HS3ST3A1: variants seen among roughly 807,000 people sequenced by gnomAD.
HS3ST3A1 encodes the protein heparan sulfate glucosamine 3-O-sulfotransferase 3A1.
In HS3ST3A1, 19 loss-of-function variants were observed where a neutral mutation model predicts 25.7. That is an observed-to-expected ratio of 0.74 (90% confidence interval 0.52 to 1.08). The LOEUF (loss-of-function observed/expected upper bound fraction) is 1.08. Ranked by LOEUF, HS3ST3A1 falls within the 50% of genes least tolerant of loss-of-function variation. The probability of loss-of-function intolerance (pLI) is 0.00; values close to 1 mark genes in which losing one functional copy is unlikely to be tolerated. For missense variants in HS3ST3A1, 459 were observed against 594.3 expected (o/e 0.77, Z 2.37); for synonymous variants, 226 against 278.6 (o/e 0.81, Z 1.88).
intron 1 of HS3ST3A1, among the ~76,000 whole-genome samples, chr17:13,512,644 G>C (rs912789518): frequency 6.6e-6 from 1 of 152,130 alleles, no homozygotes; most frequent in African/African-American, 2.4e-5. Flanking sequence ...TCATTATCTG[G>C]ACCTTTTCAT....
At chr17:13,592,977 T>C (rs774492803) in intron 1 of HS3ST3A1, among the ~76,000 whole-genome samples, 2 of 152,204 alleles carry the variant, frequency 1.3e-5, no homozygotes, top group African/African-American at 4.8e-5. Context: ...GGTTGCACTT[T>C]CTCTCTTCCT....
chr17:13,494,327 T>C lies in HS3ST3A1; in HGVS notation c.*1870A>G, dbSNP rs1770567192. On this transcript the variant is annotated 3_prime_UTR_variant, in exon 2 of 2. Transcript: ENST00000284110. ...AGGTGACCTGGATTTGGGGTTTACT[T>C]AACTTCTATAAATGGGATATTAACA... 2.6e-5 allele frequency among the ~76,000 whole-genome samples: 4 copies of C among 152,210 alleles called. No homozygotes were observed. The highest frequency in any genetic ancestry group is 2.6e-4 in the Admixed American group (4 of 15,282).
chr17:13,564,834 A>T (rs1050848767), intron 1 of HS3ST3A1, among the ~76,000 whole-genome samples: 2 of 146,764 alleles, frequency 1.4e-5, no homozygotes, highest in African/African-American at 5.1e-5. Context: ...AATGATTCTT[A>T]TGCCTCAATC....
At chr17:13,557,664 T>C (rs1289303955) in intron 1 of HS3ST3A1, among the ~76,000 whole-genome samples, 5 of 152,004 alleles carry the variant, frequency 3.3e-5, no homozygotes, top group African/African-American at 9.7e-5. Flanking sequence ...AAACTGAAAA[T>C]ACAAAAGTAG....
chr17:13,506,373 T>G (rs1011304525), intron 1 of HS3ST3A1, among the ~76,000 whole-genome samples: 1 of 152,192 alleles, frequency 6.6e-6, no homozygotes. Flanking sequence ...ACCTCTAAGA[T>G]TCCATGTAGG....
intron 1 of HS3ST3A1, among the ~76,000 whole-genome samples, chr17:13,582,224 G>C (rs550460377): frequency 1.3e-5 from 2 of 152,138 alleles, no homozygotes; most frequent in South Asian, 4.2e-4. Context: ...GCCTTGGGGA[G>C]GAAGAAAAAG....
intron 1 of HS3ST3A1, among the ~76,000 whole-genome samples, chr17:13,568,790 A>G (rs1417884448): frequency 6.6e-6 from 1 of 152,142 alleles, no homozygotes; most frequent in Admixed American, 6.5e-5. Context: ...ATCACTCGGA[A>G]CAGCTTCAGT....
rs535853576 is a variant in HS3ST3A1, at chr17:13,500,886, C to G, written c.600-4068G>C. Among the ~76,000 whole-genome samples the G allele has an allele frequency of 2.6e-5, 4 of 152,250 alleles. No homozygotes were observed. In the South Asian group the frequency reaches 8.3e-4, roughly 32 times the overall value. On this transcript the variant is annotated intron_variant, in intron 1 of 1. Transcript: ENST00000284110. ...TGGAAGCAACACAAGTGTGTATTGA[C>G]AGATGAACGGATAAACAAAATGTGG...
chr17:13,565,414 CCCAGCTACT>C (rs1181877708), intron 1 of HS3ST3A1, among the ~76,000 whole-genome samples: 2 of 152,096 alleles, frequency 1.3e-5, no homozygotes, highest in African/African-American at 4.8e-5. Context: ...CACCTGTAGT[CCCAGCTACT>C]CCAGAGGCTG....
chr17:13,579,701 CAAAAAAAAAAAAAAA>C (rs543748713), intron 1 of HS3ST3A1, among the ~76,000 whole-genome samples: 2,326 of 23,696 alleles, frequency 0.098, 120 homozygotes, highest in East Asian at 0.41. Context: ...ACTCCATCTC[CAAAAAAAAAAAAAAA>C]AAAAAAAAAA....
intron 1 of HS3ST3A1, among the ~76,000 whole-genome samples, chr17:13,505,995 CCAGCCTGGGCAA>C (rs1308343330): frequency 1.4e-5 from 2 of 146,860 alleles, no homozygotes; most frequent in Non-Finnish European, 3.0e-5. Flanking sequence ...CCACTGCACT[CCAGCCTGGGCAA>C]CAGAGCAAGA....
At chr17:13,558,350 T>C (rs1327376119) in intron 1 of HS3ST3A1, among the ~76,000 whole-genome samples, 2 of 152,150 alleles carry the variant, frequency 1.3e-5, no homozygotes, top group Admixed American at 6.6e-5. Context: ...CATTACTTTC[T>C]ACTATATACA....
chr17:13,588,365 A>G (rs1365425071), intron 1 of HS3ST3A1, among the ~76,000 whole-genome samples: 1 of 152,178 alleles, frequency 6.6e-6, no homozygotes, highest in Non-Finnish European at 1.5e-5. Flanking sequence ...TACAGTTCCA[A>G]GCCATGGGCA....
At chr17:13,588,758 A>G (rs1158737458) in intron 1 of HS3ST3A1, among the ~76,000 whole-genome samples, 1 of 151,106 alleles carries the variant, frequency 6.6e-6, no homozygotes, top group Non-Finnish European at 1.5e-5. Flanking sequence ...ATCTCAGCTC[A>G]CTACAAGCTC....
chr17:13,521,633 T>C (rs1256654769), intron 1 of HS3ST3A1, among the ~76,000 whole-genome samples: 1 of 152,178 alleles, frequency 6.6e-6, no homozygotes, highest in African/African-American at 2.4e-5. Flanking sequence ...TGATATAAAC[T>C]TGAAGAAAGA....
intron 1 of HS3ST3A1, among the ~76,000 whole-genome samples, chr17:13,545,949 C>G (rs1598422066): frequency 6.6e-6 from 1 of 151,776 alleles, no homozygotes; most frequent in East Asian, 1.9e-4. Context: ...TGCACTCCAG[C>G]CTGGGTGACA....
chr17:13,499,470 T>A (rs1398550993), intron 1 of HS3ST3A1, among the ~76,000 whole-genome samples: 1 of 152,208 alleles, frequency 6.6e-6, no homozygotes, highest in Non-Finnish European at 1.5e-5. Context: ...GAAAAAGCCA[T>A]CATTACTTTC....
In HS3ST3A1 at chr17:13,579,275, A is replaced by T. The variant is rs926751757; in HGVS notation, c.599+21256T>A. Reference sequence around the variant, plus strand: ...TTGACCTTATGATTCTACTTCTTGAAATGTATTCTAAACTCTTACTCAATA... The same window carrying T: ...TTGACCTTATGATTCTACTTCTTGATATGTATTCTAAACTCTTACTCAATA... On this transcript the variant is annotated intron_variant, in intron 1 of 1. Transcript: ENST00000284110. Among the ~76,000 whole-genome samples the T allele has an allele frequency of 1.1e-4, 17 of 152,296 alleles. No individual in the cohort carries two copies. In the East Asian group the frequency reaches 2.9e-3, roughly 26 times the overall value.
chr17:13,551,240 T>C (rs554225119), intron 1 of HS3ST3A1, among the ~76,000 whole-genome samples: 50 of 151,150 alleles, frequency 3.3e-4, no homozygotes, highest in East Asian at 2.1e-3. Context: ...TGCCAGCTAC[T>C]TGGGAGGCTG....
Sources: allele counts gnomAD v4.1 joint callset (sites outside exome capture counted in the v4.1 genomes callset), GRCh38; gene constraint gnomAD v4.1.1; transcripts MANE v1.5; gene names NCBI Gene and HGNC (gene_info 2026-07-23, HGNC 2026-07-21).